The following SOX5 variants were observed in gnomAD, a reference collection of about 807,000 sequenced individuals.
SOX5 encodes the protein SRY-box transcription factor 5.
In SOX5, 9 loss-of-function variants were observed where a neutral mutation model predicts 92.0. That is an observed-to-expected ratio of 0.10 (90% CI 0.06 to 0.17). The LOEUF is 0.17. SOX5 is among the 10% of genes least tolerant of loss of function. SOX5 has a pLI of 1.00. For synonymous variants in SOX5, 344 were observed against 336.3 expected (o/e 1.02, Z -0.25); for missense variants, 642 against 944.5 (o/e 0.68, Z 4.20).
At chr12:23,658,356 A>G (rs10842206) in intron 7 of SOX5, among the ~76,000 whole-genome samples, 45,409 of 152,084 alleles carry the variant, frequency 0.3, 6,958 homozygotes, top group Middle Eastern at 0.44. Context: ...TGTTGTATAC[A>G]TTTTTGAACC....
At position 24,238,577 on chromosome 12, in the gene SOX5, A is replaced by C. The variant is rs539715680; in HGVS notation, c.-76-25160T>G. ...TTGCCATGTTGCCCAGGTTGGTCTT[A>C]AACTCCTGAGCTCAAGTCATCAGTC... is the stretch of plus-strand genomic sequence containing the variant. On this transcript the variant is annotated intron_variant, in intron 3 of 4. Transcript: ENST00000446891. 6.5e-4 allele frequency among the ~76,000 whole-genome samples: 99 copies of C among 152,192 alleles called. 1 individual carries two copies. The highest frequency in any genetic ancestry group is 3.4e-3 in the Middle Eastern group (1 of 294).
At chr12:24,400,529 TCA>T (rs1453218265) in intron 1 of SOX5, among the ~76,000 whole-genome samples, 1 of 152,238 alleles carries the variant, frequency 6.6e-6, no homozygotes, top group African/African-American at 2.4e-5. Flanking sequence ...CAGTACCAAG[TCA>T]CAGTTGACTC....
At chr12:24,132,363 T>C (rs967998242) in intron 4 of SOX5, among the ~76,000 whole-genome samples, 9 of 152,222 alleles carry the variant, frequency 5.9e-5, no homozygotes, top group African/African-American at 2.2e-4. Flanking sequence ...TAAGGTTTAA[T>C]GTGTTTTACA....
intron 5 of SOX5, among the ~76,000 whole-genome samples, chr12:23,735,834 C>T (rs1489091822): frequency 6.6e-6 from 1 of 152,166 alleles, no homozygotes; most frequent in Non-Finnish European, 1.5e-5. Flanking sequence ...TTACCTTCTA[C>T]ATTTACTTAA....
At chr12:23,669,562 G>C (rs1031561792) in intron 6 of SOX5, among the ~76,000 whole-genome samples, 20 of 151,726 alleles carry the variant, frequency 1.3e-4, no homozygotes, top group African/African-American at 4.8e-4. Flanking sequence ...AGACTGGAGA[G>C]ACCCAGCGTA....
chr12:23,612,110 TACG>T (rs1398044860), intron 8 of SOX5, among the ~76,000 whole-genome samples: 1 of 152,050 alleles, frequency 6.6e-6, no homozygotes, highest in Non-Finnish European at 1.5e-5. Context: ...ATTATTTTTA[TACG>T]TATTATCCTT....
intron 4 of SOX5, among the ~76,000 whole-genome samples, chr12:23,754,897 C>T (rs995768357): frequency 3.3e-5 from 5 of 151,832 alleles, no homozygotes; most frequent in African/African-American, 9.6e-5. Flanking sequence ...ATATTTTATA[C>T]GGATGACTAA....
chr12:23,648,935 C>T (rs575756656), intron 7 of SOX5, among the ~76,000 whole-genome samples: 7 of 151,938 alleles, frequency 4.6e-5, no homozygotes, highest in African/African-American at 9.7e-5. Flanking sequence ...TCCAATATGT[C>T]GACTAATTAA....
intron 4 of SOX5, among the ~76,000 whole-genome samples, chr12:24,002,621 AC>A (rs78233818): frequency 0.067 from 10,053 of 150,644 alleles, 522 homozygotes; most frequent in African/African-American, 0.12. Context: ...CCAAAAAAAA[AC>A]CTGCTGGCAT....
chr12:24,227,534 C>T (rs750976967), intron 3 of SOX5: 1 of 152,178 alleles, frequency 6.6e-6, no homozygotes, highest in Non-Finnish European at 1.5e-5. Flanking sequence ...ATTTGATTGA[C>T]TGTTAATACC....
chr12:24,394,627 T>C (rs1313406865), intron 1 of SOX5, among the ~76,000 whole-genome samples: 1 of 152,214 alleles, frequency 6.6e-6, no homozygotes, highest in Non-Finnish European at 1.5e-5. Flanking sequence ...CAATTAATAT[T>C]TGTACAAATA....
chr12:24,414,843 A>G (rs1964738456), intron 1 of SOX5, among the ~76,000 whole-genome samples: 1 of 152,180 alleles, frequency 6.6e-6, no homozygotes, highest in Non-Finnish European at 1.5e-5. Flanking sequence ...CCACATGCCT[A>G]TGAAACTCTC....
intron 7 of SOX5, among the ~76,000 whole-genome samples, chr12:23,650,719 C>T (rs557004075): frequency 1.1e-4 from 17 of 152,196 alleles, no homozygotes; most frequent in Non-Finnish European, 1.5e-4. Flanking sequence ...GATGCAGAAA[C>T]GGAATGAATG....
chr12:23,581,649 C>G (rs1483875577), intron 9 of SOX5, among the ~76,000 whole-genome samples: 1 of 152,024 alleles, frequency 6.6e-6, no homozygotes, highest in East Asian at 1.9e-4. Flanking sequence ...CTATTATATG[C>G]CAGGCATTAG....
chr12:24,235,929 C>T (rs1034532079), intron 3 of SOX5, among the ~76,000 whole-genome samples: 1 of 152,152 alleles, frequency 6.6e-6, no homozygotes, highest in African/African-American at 2.4e-5. Context: ...GTGGCTCACG[C>T]CTGTAATCCC....
At chr12:23,977,126 C>A (rs1348950581) in intron 4 of SOX5, among the ~76,000 whole-genome samples, 1 of 152,082 alleles carries the variant, frequency 6.6e-6, no homozygotes, top group East Asian at 1.9e-4. Flanking sequence ...AATAAGACTG[C>A]ATTAAGAGCT....
chr12:24,100,574 T>C (rs1047580592), intron 4 of SOX5, among the ~76,000 whole-genome samples: 2 of 152,084 alleles, frequency 1.3e-5, no homozygotes, highest in Non-Finnish European at 2.9e-5. Context: ...TCAGTTCAGG[T>C]CATCCCATAA....
chr12:23,832,925 G>T (rs971370389), intron 3 of SOX5, among the ~76,000 whole-genome samples: 3 of 151,632 alleles, frequency 2.0e-5, no homozygotes, highest in Non-Finnish European at 4.4e-5. Flanking sequence ...CTTCAAAATT[G>T]ATCAGAGACT....
chr12:24,068,122 G>A (rs1178173610), intron 4 of SOX5, among the ~76,000 whole-genome samples: 1 of 152,218 alleles, frequency 6.6e-6, no homozygotes, highest in Non-Finnish European at 1.5e-5. Flanking sequence ...TCCAGCCTGG[G>A]CGACAGAGGG....
Sources: allele counts gnomAD v4.1 joint callset (sites outside exome capture counted in the v4.1 genomes callset), GRCh38; gene constraint gnomAD v4.1.1; transcripts MANE v1.5; gene names NCBI Gene and HGNC (gene_info 2026-07-23, HGNC 2026-07-21).